The following PCDHA3 variants were observed in gnomAD, a reference collection of about 807,000 sequenced individuals.
PCDHA3 encodes protocadherin alpha 3.
Under a neutral mutation model 62.2 loss-of-function variants are expected in PCDHA3, and 41 were observed. The observed-to-expected ratio is 0.66, with a 90% confidence interval of 0.51 to 0.86. The LOEUF (loss-of-function observed/expected upper bound fraction) is 0.86, where lower values mean the gene tolerates loss of function less well. Among genes scored for constraint, PCDHA3 ranks in the 40% least tolerant of loss-of-function variants. The pLI, the probability that PCDHA3 is intolerant of heterozygous loss-of-function variation, is 0.00. For synonymous variants in PCDHA3, 640 were observed against 555.4 expected, an observed-to-expected ratio of 1.15 and a Z score of -2.14; for missense variants, 1,304 against 1,241.2, an observed-to-expected ratio of 1.05 and a Z score of -0.76.
intron 3 of PCDHA3, among the ~76,000 whole-genome samples, chr5:141,000,371 C>G (rs868969531): frequency 6.1e-5 from 3 of 49,260 alleles, no homozygotes; most frequent in Admixed American, 2.7e-4. Flanking sequence ...GTCTCTCTCT[C>G]TCTCTCTCTC....
chr5:140,883,401 A>C, intron 1 of PCDHA3: 2 of 1,614,108 alleles, frequency 1.2e-6, no homozygotes, highest in Non-Finnish European at 1.7e-6. Flanking sequence ...TCCGATCGTG[A>C]CTCTGGCTCA....
At chr5:140,849,467 TA>T (rs2040919541) in intron 1 of PCDHA3, 1 of 1,589,264 alleles carries the variant, frequency 6.3e-7, no homozygotes, top group African/African-American at 1.4e-5. Flanking sequence ...AGGCTGTCGA[TA>T]AAGGCTTCCC....
intron 1 of PCDHA3, among the ~76,000 whole-genome samples, chr5:140,935,702 T>C (rs975188692): frequency 1.3e-5 from 2 of 152,152 alleles, no homozygotes; most frequent in Admixed American, 1.3e-4. Context: ...AATAAACTTA[T>C]AAAACAAAAT....
chr5:140,873,998 C>T (rs2054625298), intron 1 of PCDHA3, among the ~76,000 whole-genome samples: 1 of 152,166 alleles, frequency 6.6e-6, no homozygotes, highest in Non-Finnish European at 1.5e-5. Context: ...ATGTATGGTA[C>T]ATTGACCACT....
rs529382424 is a variant in PCDHA3 at position 140,924,810 on chromosome 5, G to A, written c.2395-54139G>A. 4.8e-4 allele frequency among the ~76,000 whole-genome samples: 73 copies of A among 151,660 alleles called. No homozygotes were observed. The South Asian group carries it at 9.2e-3, about 19-fold the overall frequency. ...CTTAGGAGGCTGAGGCAAGAGAATC[G>A]CTTGAACCTGGGAGGGGGAGGTTGC... On this transcript the variant is annotated intron_variant, in intron 1 of 3. Transcript: ENST00000522353.
intron 1 of PCDHA3, chr5:140,871,364 G>T (rs113722940): frequency 2.5e-6 from 4 of 1,614,102 alleles, no homozygotes; most frequent in Non-Finnish European, 3.4e-6. Context: ...CAGCAGAGGC[G>T]GCAGAGGGTG....
chr5:140,827,954 T>A, intron 1 of PCDHA3: 1 of 1,280,932 alleles, frequency 7.8e-7, no homozygotes, highest in East Asian at 2.3e-5. Flanking sequence ...CATTCAAATT[T>A]CTTCTATTAC....
At position 140,802,821 on chromosome 5, in the gene PCDHA3, G is replaced by C. The variant is rs781849256; in HGVS notation, c.1624G>C (p.Val542Leu). ...CCAGGTGAGTGCGCGCGATGCGGGC[G>C]TGCCGCCTCTGGGCAGCAACGTGAC... is the stretch of plus-strand genomic sequence containing the variant. ...QFQVSARDAG[V>L]PPLGSNVTLQ... The change falls in exon 1 of 4, where the codon GTG (valine) becomes CTG (leucine). Residue 542 changes from valine (V) to leucine (L), a missense_variant. Transcript: ENST00000522353. 1 of 1,613,366 alleles carries C rather than the reference G, an allele frequency of 6.2e-7. No homozygotes were observed. The highest frequency in any genetic ancestry group is 1.3e-5 in the African/African-American group (1 of 74,898).
intron 3 of PCDHA3, among the ~76,000 whole-genome samples, chr5:140,997,129 C>A (rs983112049): frequency 6.6e-6 from 1 of 151,976 alleles, no homozygotes; most frequent in Non-Finnish European, 1.5e-5. Flanking sequence ...ATACACAATG[C>A]CCCCACACCC....
At chr5:140,968,644 G>C (rs1554230935) in intron 1 of PCDHA3, 3 of 1,614,046 alleles carry the variant, frequency 1.9e-6, no homozygotes, top group African/African-American at 2.7e-5. Context: ...ATCTAGCCCA[G>C]ACTTCTGACC....
At position 141,010,114 on chromosome 5, in the gene PCDHA3, G is replaced by A. The variant is rs2098416092; in HGVS notation, c.*177G>A. Reference sequence around the variant, plus strand: ...GCATTTAACAGGTTTTGTCGTAAAAGCTTTACTAAGTCTGGTGTTAACTCT... The same window carrying A: ...GCATTTAACAGGTTTTGTCGTAAAAACTTTACTAAGTCTGGTGTTAACTCT... On this transcript the variant is annotated 3_prime_UTR_variant, in exon 4 of 4. Transcript: ENST00000522353. The A allele has an allele frequency of 1.2e-6, 2 of 1,609,716 alleles. No homozygotes were observed. Among genetic ancestry groups the A allele is most frequent in the Non-Finnish European group, 1.7e-6 (2 of 1,177,682 alleles).
intron 1 of PCDHA3, chr5:140,834,661 A>G (rs1200683987): frequency 6.2e-7 from 1 of 1,614,098 alleles, no homozygotes; most frequent in Non-Finnish European, 8.5e-7. Flanking sequence ...ATCGACCGCG[A>G]GGAGCTGTGC....
At chr5:140,850,114 C>A (rs2150468329) in intron 1 of PCDHA3, 7 of 1,595,992 alleles carry the variant, frequency 4.4e-6, no homozygotes, top group Non-Finnish European at 5.1e-6. Flanking sequence ...GCGCGCGACG[C>A]GGGCGTGCCG....
chr5:140,851,095 T>C, intron 1 of PCDHA3: 1 of 1,289,772 alleles, frequency 7.8e-7, no homozygotes, highest in East Asian at 2.7e-5. Context: ...TAAATAGATA[T>C]TTTTTGGGTG....
chr5:140,842,705 G>T, intron 1 of PCDHA3: 2 of 1,595,328 alleles, frequency 1.3e-6, no homozygotes, highest in Non-Finnish European at 1.7e-6. Context: ...CGAGTACACG[G>T]TGTTCGTGAA....
intron 1 of PCDHA3, chr5:140,928,385 T>G: frequency 6.2e-7 from 1 of 1,614,046 alleles, no homozygotes; most frequent in Middle Eastern, 1.7e-4. Flanking sequence ...TCTAGCTTGC[T>G]GGCAGTGGAA....
In PCDHA3 at chr5:140,857,008, T is replaced by C. The variant is rs2044317901; in HGVS notation, c.2394+53417T>C. On this transcript the variant is annotated intron_variant, in intron 1 of 3. Transcript: ENST00000522353. The stretch of plus-strand genomic sequence containing the variant: ...GTAACACTTATGAAATTCATGTAGA[T>C]GTTACAGATAAGGGAAACCCACCTA... 4 of 1,595,746 alleles carry C rather than the reference T, an allele frequency of 2.5e-6. 1 individual carries two copies. Among genetic ancestry groups the C allele is most frequent in the Non-Finnish European group, 3.4e-6 (4 of 1,165,590 alleles).
chr5:140,925,203 A>G (rs1201965893), intron 1 of PCDHA3, among the ~76,000 whole-genome samples: 4 of 152,310 alleles, frequency 2.6e-5, no homozygotes, highest in South Asian at 4.1e-4. Flanking sequence ...TTCAATAATT[A>G]TCGATACTTT....
Position 140,831,520 on chromosome 5 carries a change from CT to C in PCDHA3, c.2394+27953del, listed in dbSNP as rs2150195630. On this transcript the variant is annotated intron_variant, in intron 1 of 3. Coordinates refer to ENST00000522353, the MANE Select transcript of PCDHA3 (RefSeq NM_018906.3). ...ACACGAGCACCACCATGCCCCCCAC[CT>C]TTTTTTTTTTTTTTTTTTTTTTTAA... Among the ~76,000 whole-genome samples the C allele has an allele frequency of 5.3e-3, 643 of 122,360 alleles. 1 individual carries two copies. The highest frequency in any genetic ancestry group is 0.013 in the Middle Eastern group (3 of 240). The allele number at this position is 122,360 out of a possible 152,430, so 80.3% of individuals were successfully genotyped here. A position where few individuals can be genotyped will look rare whatever the true frequency, so the allele number is the denominator to read the frequency against.
Sources: gnomAD v4.1 joint callset for allele counts (sites outside exome capture counted in the v4.1 genomes callset) on GRCh38, gnomAD v4.1.1 for gene constraint, MANE v1.5 for transcripts, NCBI Gene and HGNC (gene_info 2026-07-23, HGNC 2026-07-21) for gene names.